The following HSF1 variants were observed in gnomAD, a reference collection of about 807,000 sequenced individuals.
HSF1 encodes the protein heat shock factor protein 1.
In HSF1, 32 loss-of-function variants were observed where a neutral mutation model predicts 51.7. The observed-to-expected ratio is 0.62, with a 90% CI of 0.47 to 0.83. HSF1 has a LOEUF of 0.83. HSF1 is among the 40% of genes least tolerant of loss of function. HSF1 has a pLI of 0.00. For missense variants in HSF1, 727 were observed against 717.0 expected, an observed-to-expected ratio of 1.01 and a Z score of -0.16; for synonymous variants, 396 against 309.7, an observed-to-expected ratio of 1.28 and a Z score of -2.92.
intron 11 of HSF1, 31 bp downstream of exon 11, chr8:144,313,942 C>T (rs534624690): frequency 5.0e-6 from 8 of 1,610,210 alleles, no homozygotes; most frequent in East Asian, 4.5e-5. Flanking sequence ...TGAGGGGGAA[C>T]GAGACCAGCG....
intron 1 of HSF1, chr8:144,293,476 T>C (rs1266184604): frequency 4.6e-5 from 7 of 151,792 alleles, no homozygotes; most frequent in African/African-American, 1.7e-4. Flanking sequence ...AGTCTTGCTC[T>C]GTCACCCAGG....
intron 9 of HSF1, 101 bp downstream of exon 9, chr8:144,312,345 G>C: frequency 2.1e-6 from 2 of 933,880 alleles, no homozygotes; most frequent in South Asian, 3.2e-5. Flanking sequence ...CAGCTGGCGA[G>C]GCAGGACCCT....
rs146075122 is a variant in HSF1, at chr8:144,305,723, A to ATTTTTTT, written c.118-3162_118-3156dup. On this transcript the variant is annotated intron_variant, in intron 1 of 12. Coordinates refer to ENST00000528838, the MANE Select transcript of HSF1 (RefSeq NM_005526.4). ...GTCTGCTCTTAAGCCCCTCTGGTTA[A>ATTTTTTT]TTTTTTTTTTTTTTTTTTTTTTTTT... Among the ~76,000 whole-genome samples, 16 of 78,520 alleles carry ATTTTTTT rather than the reference A, an allele frequency of 2.0e-4. 2 individuals are homozygous for ATTTTTTT. Among genetic ancestry groups the ATTTTTTT allele is most frequent in the Admixed American group, 2.0e-4 (1 of 5,090 alleles). The allele number at this position is 78,520 out of a possible 152,430, so 51.5% of individuals were successfully genotyped here.
In HSF1 at chr8:144,305,102, T is replaced by G. The variant is rs541856564; in HGVS notation, c.118-3804T>G. Among the ~76,000 whole-genome samples, 3 of 144,902 alleles carry G rather than the reference T, an allele frequency of 2.1e-5. No homozygotes were observed. The East Asian group carries it at 6.3e-4, about 31-fold the overall frequency. ...AGCTGGGACTATAGGCGCCCGCCAC[T>G]GTGCCGGCTAATTTTTATATTTTTA... On this transcript the variant is annotated intron_variant, in intron 1 of 12. Transcript: ENST00000528838.
rs139155879 is a variant in HSF1 at position 144,299,864 on chromosome 8, G to A, written c.117+7990G>A. ...GTGGAGCTTGCAGTGAGCCAAGATC[G>A]TGCCACTGCACTCCAGCCTGGGTGA... On this transcript the variant is annotated intron_variant, in intron 1 of 12. Coordinates refer to ENST00000528838, the MANE Select transcript of HSF1 (RefSeq NM_005526.4). Among the ~76,000 whole-genome samples the A allele has an allele frequency of 5.1e-4, 78 of 152,220 alleles. 2 individuals carry two copies. The East Asian group carries it at 0.013, about 26-fold the overall frequency.
rs181494244 is a variant in HSF1 at position 144,305,021 on chromosome 8, C to T, written c.118-3885C>T. The stretch of plus-strand genomic sequence containing the variant: ...GGAGTGCAGTGGGGTGATCTCGGCT[C>T]ACTGCAACCTCTGCCTCCTGGGTTC... On this transcript the variant is annotated intron_variant, in intron 1 of 12. Coordinates refer to ENST00000528838, the MANE Select transcript of HSF1 (RefSeq NM_005526.4). Among the ~76,000 whole-genome samples the T allele has an allele frequency of 2.1e-3, 323 of 151,384 alleles. 2 individuals are homozygous for T. Among genetic ancestry groups the T allele is most frequent in the African/African-American group, 7.6e-3 (312 of 41,204 alleles).
At chr8:144,311,469 T>G (rs1816654196) in intron 6 of HSF1, 36 bp from the exon 7 acceptor site, 1 of 1,611,278 alleles carries the variant, frequency 6.2e-7, no homozygotes, top group African/African-American at 1.3e-5. Context: ...TACCCCGAGG[T>G]GGGGGGTGGT....
At chr8:144,313,396 C>A in intron 9 of HSF1, 115 bp from the exon 10 acceptor site, 2 of 690,826 alleles carry the variant, frequency 2.9e-6, no homozygotes, top group Non-Finnish European at 5.1e-6. Flanking sequence ...CCTGTGCAGG[C>A]GTACACGGGG....
At position 144,313,965 on chromosome 8, in the gene HSF1, A is replaced by C. The variant is rs1554845924; in HGVS notation, c.1315-20A>C. The C allele has an allele frequency of 3.7e-6, 6 of 1,610,380 alleles. No homozygotes were observed. Among genetic ancestry groups the C allele is most frequent in the Middle Eastern group, 1.6e-4 (1 of 6,076 alleles). On this transcript the variant is annotated intron_variant, in intron 11 of 12. Coordinates refer to ENST00000528838, the MANE Select transcript of HSF1 (RefSeq NM_005526.4). ...AACGAGACCAGCGGGAGTGCTCACA[A>C]TACCGTCTCCACCCCACAGATCCAA...
chr8:144,295,218 C>T (rs1815375566), intron 1 of HSF1, among the ~76,000 whole-genome samples: 1 of 152,240 alleles, frequency 6.6e-6, no homozygotes, highest in African/African-American at 2.4e-5. Flanking sequence ...ACAGCCTCTT[C>T]AGAGAATTTG....
At chr8:144,296,806 CA>C (rs72033767) in intron 1 of HSF1, among the ~76,000 whole-genome samples, 79,014 of 134,990 alleles carry the variant, frequency 0.59, 22,063 homozygotes, top group Admixed American at 0.71. Context: ...GACTCCATCT[CA>C]AAAAAAAAAA....
chr8:144,309,037 G>A (rs1554843779), intron 2 of HSF1, 23 bp downstream of exon 2: 5 of 1,554,274 alleles, frequency 3.2e-6, no homozygotes, highest in East Asian at 2.2e-5. Context: ...TCCAGGCAGC[G>A]CAGGGGTGCG....
chr8:144,313,455 G>A (rs1290576485), intron 9 of HSF1, 56 bp from the exon 10 acceptor site: 23 of 1,141,904 alleles, frequency 2.0e-5, no homozygotes, highest in Non-Finnish European at 3.0e-5. Context: ...CCACAGGAGG[G>A]CATTGGGGTG....
At chr8:144,306,155 G>A (rs981875660) in intron 1 of HSF1, among the ~76,000 whole-genome samples, 19 of 151,984 alleles carry the variant, frequency 1.3e-4, no homozygotes, top group Admixed American at 9.8e-4. Context: ...TCATACTTTA[G>A]TTCTTCAGAT....
intron 1 of HSF1, among the ~76,000 whole-genome samples, chr8:144,303,457 T>C (rs149390472): frequency 2.6e-3 from 389 of 152,186 alleles, no homozygotes; most frequent in Middle Eastern, 6.8e-3. Context: ...CCCAGGCTGA[T>C]TTCTCTGCAC....
At chr8:144,312,898 C>A in intron 9 of HSF1, 1 of 609,664 alleles carries the variant, frequency 1.6e-6, no homozygotes, top group Non-Finnish European at 2.9e-6. Flanking sequence ...GTGGTCATTG[C>A]CTGTGACAGG....
Position 144,311,311 on chromosome 8 carries a change from C to A in HSF1, c.565-10C>A, listed in dbSNP as rs781789588. The stretch of plus-strand genomic sequence containing the variant: ...AAGGGCCGGGGTAACTGTGTCCTCT[C>A]TCTCCACAGCTCATTCAGTTCCTGA... On this transcript the variant is annotated splice_polypyrimidine_tract_variant and intron_variant, in intron 5 of 12. Coordinates refer to ENST00000528838, the MANE Select transcript of HSF1 (RefSeq NM_005526.4). 26 of 1,613,778 alleles carry A rather than the reference C, an allele frequency of 1.6e-5. No homozygotes were observed. The highest frequency in any genetic ancestry group is 2.2e-5 in the Non-Finnish European group (26 of 1,180,008).
chr8:144,293,264 T>G (rs762492441), intron 1 of HSF1, among the ~76,000 whole-genome samples: 72 of 152,156 alleles, frequency 4.7e-4, no homozygotes, highest in Non-Finnish European at 8.2e-4. Flanking sequence ...TTAGAAACAC[T>G]TTGTGTTTGT....
At chr8:144,309,094 A>C (rs1482531264) in intron 2 of HSF1, 80 bp downstream of exon 2, 2 of 1,142,258 alleles carry the variant, frequency 1.8e-6, no homozygotes, top group Non-Finnish European at 2.6e-6. Flanking sequence ...GGACCCTGTG[A>C]TGAAGGACGG....
Sources: allele counts gnomAD v4.1 joint callset (sites outside exome capture counted in the v4.1 genomes callset), GRCh38; gene constraint gnomAD v4.1.1; transcripts MANE v1.5; gene names NCBI Gene and HGNC (gene_info 2026-07-23, HGNC 2026-07-21).